Variants in GYS1 observed in about 807,000 individuals in gnomAD.
GYS1 encodes the protein glycogen [starch] synthase, muscle.
In GYS1, 60 loss-of-function variants were observed where a neutral mutation model predicts 89.1. That is an observed-to-expected ratio of 0.67 (90% CI 0.55 to 0.84). GYS1 has a LOEUF of 0.84. Among genes scored for constraint, GYS1 ranks in the 40% least tolerant of loss-of-function variants. The pLI is 0.00. For synonymous variants in GYS1, 366 were observed against 401.7 expected (o/e 0.91, Z 1.06); for missense variants, 888 against 1,003.1 (o/e 0.89, Z 1.55).
chr19:48,974,433 G>C, intron 11 of GYS1, 94 bp from the exon 12 acceptor site: 2 of 1,361,944 alleles, frequency 1.5e-6, no homozygotes, highest in Non-Finnish European at 2.1e-6. Context: ...AGCTTGTCTA[G>C]CATCACACAG....
rs1269675538 is a variant in GYS1, at chr19:48,982,754, G to A, written c.907C>T (p.Arg303Ter). Residue 303 changes from arginine to a stop codon, truncating the protein, a stop_gained, in exon 6 of 16, where the codon CGA becomes TGA. Transcript: ENST00000323798. LOFTEE classifies it high-confidence loss of function. ...TGGCCCCGCACAAACTCCTGGATTC[G>A]AGCCTTGCTCTGAGCATGGAGGTTC... The part of the protein sequence containing the change: ...FQNLHAQSKA[R>*]IQEFVRGHFY... The A allele has an allele frequency of 6.2e-7, 1 of 1,613,372 alleles. No individual in the cohort carries two copies. Among genetic ancestry groups the A allele is most frequent in the Non-Finnish European group, 8.5e-7 (1 of 1,179,400 alleles).
chr19:48,976,219 CA>C (rs1006798614), intron 10 of GYS1, among the ~76,000 whole-genome samples: 5 of 152,064 alleles, frequency 3.3e-5, no homozygotes, highest in Admixed American at 3.3e-4. Context: ...ATAGGTTAGC[CA>C]AAAGCAGTTC....
intron 5 of GYS1, among the ~76,000 whole-genome samples, chr19:48,984,173 A>G (rs928906607): frequency 9.3e-5 from 14 of 151,196 alleles, no homozygotes; most frequent in African/African-American, 1.2e-4. Context: ...TGCCCACCTA[A>G]TTTTTGTATT....
intron 8 of GYS1, among the ~76,000 whole-genome samples, chr19:48,978,387 G>A (rs1487091833): frequency 1.3e-5 from 2 of 151,480 alleles, no homozygotes; most frequent in Non-Finnish European, 2.9e-5. Flanking sequence ...CACCGCGCCC[G>A]GCTAATTTTC....
chr19:48,978,927 G>A, intron 8 of GYS1, among the ~76,000 whole-genome samples: 1 of 152,204 alleles, frequency 6.6e-6, no homozygotes, highest in Non-Finnish European at 1.5e-5. Context: ...GACCCAGGGG[G>A]CAGGCCCTGG....
intron 10 of GYS1, among the ~76,000 whole-genome samples, chr19:48,975,188 C>T (rs1568618486): frequency 6.6e-6 from 1 of 151,846 alleles, no homozygotes. Flanking sequence ...GCCTTGGCCT[C>T]CCAAAGTGCT....
chr19:48,970,191 C>CT (rs1340765090), intron 14 of GYS1: 7 of 467,456 alleles, frequency 1.5e-5, no homozygotes, highest in Non-Finnish European at 2.7e-5. Flanking sequence ...TGGGTTTGAA[C>CT]AAGGCTCACT....
In GYS1 at chr19:48,974,126, C is replaced by T. The variant is rs1023674350; in HGVS notation, c.1549+87G>A. 2.8e-6 allele frequency: 4 copies of T among 1,409,862 alleles called. No individual in the cohort carries two copies. The African/African-American group carries it at 4.3e-5, about 15-fold the overall frequency. The allele number at this position is 1,409,862 out of a possible 1,614,324, so 87.3% of individuals were successfully genotyped here. A position where few individuals can be genotyped will look rare whatever the true frequency, so the allele number is the denominator to read the frequency against. ...CCTGTTTTGCAAAGAAGGCAACAGG[C>T]TCAGAGAAGGCCAGTGCCTCGCCCC... On this transcript the variant is annotated intron_variant, in intron 12 of 15. Coordinates refer to ENST00000323798, the MANE Select transcript of GYS1 (RefSeq NM_002103.5).
At chr19:48,982,937 T>A in intron 5 of GYS1, 100 bp from the exon 6 acceptor site, 1 of 941,372 alleles carries the variant, frequency 1.1e-6, no homozygotes, top group Non-Finnish European at 1.8e-6. Flanking sequence ...CTTTTGCAAT[T>A]TTTTTGTTTC....
rs2038858345 is a variant in GYS1 at position 48,987,342 on chromosome 19, A to G, written c.344T>C (p.Val115Ala). The G allele has an allele frequency of 6.2e-7, 1 of 1,611,594 alleles. No individual in the cohort carries two copies. The highest frequency in any genetic ancestry group is 1.1e-5 in the South Asian group (1 of 90,500). Reference protein sequence around the residue: ...RWLIEGGPLVVLLDVGASAWA... With the variant: ...RWLIEGGPLVALLDVGASAWA... ...AGCTGAGGCACCCACGTCCAGGAGC[A>G]CCACCAGAGGGCCTCCCTCGATCAG... is the stretch of plus-strand genomic sequence containing the variant. The change falls in exon 3 of 16, where the codon GTG becomes GCG. Residue 115 changes from valine to alanine, a missense_variant. Coordinates refer to ENST00000323798, the MANE Select transcript of GYS1 (RefSeq NM_002103.5).
At position 48,970,407 on chromosome 19, in the gene GYS1, A is replaced by G. The variant is rs1200940393; in HGVS notation, c.1809+139T>C. 4.1e-6 allele frequency: 3 copies of G among 733,344 alleles called. No homozygotes were observed. The Admixed American group carries it at 6.4e-5, about 16-fold the overall frequency. 45.4% of individuals were successfully genotyped at this position (733,344 alleles called of 1,614,324 possible). A position where few individuals can be genotyped will look rare whatever the true frequency, so the allele number is the denominator to read the frequency against. ...AGTGCTGGGATTACAACCATGAGCC[A>G]CCATCGCGATCGGCCTGGTTCATTG... On this transcript the variant is annotated intron_variant, in intron 14 of 15. Coordinates refer to ENST00000323798, the MANE Select transcript of GYS1 (RefSeq NM_002103.5).
At chr19:48,979,646 C>CTTTTTTTTTT (rs56291141) in intron 8 of GYS1, among the ~76,000 whole-genome samples, 1 of 114,978 alleles carries the variant, frequency 8.7e-6, no homozygotes, top group Non-Finnish European at 1.8e-5. Context: ...CTCTTTCTTT[C>CTTTTTTTTTT]TTTTTTTTTT....
At position 48,970,062 on chromosome 19, in the gene GYS1, C is replaced by T. The variant is rs560302265; in HGVS notation, c.1810-207G>A. ...TGAGCCATACCCCTCAAACAGGGGC[C>T]GAATTCTCAAGTGAGTCTCCTCTTT... is the stretch of plus-strand genomic sequence containing the variant. On this transcript the variant is annotated intron_variant, in intron 14 of 15. Coordinates refer to ENST00000323798, the MANE Select transcript of GYS1 (RefSeq NM_002103.5). 5.9e-5 allele frequency among the ~76,000 whole-genome samples: 9 copies of T among 152,246 alleles called. No individual in the cohort carries two copies. The South Asian group carries it at 1.9e-3, about 32-fold the overall frequency.
chr19:48,987,397 T>A lies in GYS1; in HGVS notation c.301-12A>T, dbSNP rs1228577050. ...CGCCCGAAATACACCTGGGATGGGG[T>A]TGGGGAGGCACCATAGGGAGGCTCT... On this transcript the variant is annotated splice_polypyrimidine_tract_variant and intron_variant, in intron 2 of 15. Coordinates refer to ENST00000323798, the MANE Select transcript of GYS1 (RefSeq NM_002103.5). 1.9e-6 allele frequency: 3 copies of A among 1,578,876 alleles called. No homozygotes were observed. In the African/African-American group the frequency reaches 4.0e-5, roughly 21 times the overall value.
intron 10 of GYS1, among the ~76,000 whole-genome samples, chr19:48,975,542 A>C (rs1011544758): frequency 5.9e-5 from 9 of 152,106 alleles, no homozygotes; most frequent in South Asian, 2.1e-4. Flanking sequence ...CCCAAAGGAA[A>C]TATAACTATC....
chr19:48,986,186 C>G (rs1344136251), intron 3 of GYS1, 151 bp from the exon 4 acceptor site: 1 of 736,762 alleles, frequency 1.4e-6, no homozygotes, highest in Non-Finnish European at 2.4e-6. Flanking sequence ...CCCAACCGGA[C>G]AGGGACCTGT....
At position 48,987,476 on chromosome 19, in the gene GYS1, T is replaced by C. The variant is rs983566026; in HGVS notation, c.301-91A>G. ...CGTGGTTCTCCCATTTGCAGGCAGA[T>C]GTCTATAGACTTAAGCCTCAGCTCT... On this transcript the variant is annotated intron_variant, in intron 2 of 15. Transcript: ENST00000323798. 2.4e-5 allele frequency: 23 copies of C among 975,554 alleles called. 1 individual carries two copies. Among genetic ancestry groups the C allele is most frequent in the Middle Eastern group, 3.3e-4 (1 of 3,038 alleles). 60.4% of individuals were successfully genotyped at this position (975,554 alleles called of 1,614,324 possible).
Position 48,968,386 on chromosome 19 carries a change from A to T in GYS1, c.*902T>A. On this transcript the variant is annotated 3_prime_UTR_variant, in exon 16 of 16. Transcript: ENST00000323798. ...AGGGATCAGTATGCAGTAACGTGGT[A>T]AGGTTCCAGATCTAGAAGCCAGGAC... 2.2e-6 allele frequency: 1 copy of T among 454,494 alleles called. No individual in the cohort carries two copies. Among genetic ancestry groups the T allele is most frequent in the Non-Finnish European group, 4.4e-6 (1 of 226,788 alleles). The allele number at this position is 454,494 out of a possible 1,614,324, so 28.2% of individuals were successfully genotyped here. A position where few individuals can be genotyped will look rare whatever the true frequency, so the allele number is the denominator to read the frequency against.
At chr19:48,975,055 C>T (rs930655196) in intron 10 of GYS1, among the ~76,000 whole-genome samples, 1 of 151,998 alleles carries the variant, frequency 6.6e-6, no homozygotes, top group African/African-American at 2.4e-5. Context: ...CTCAGCCTCC[C>T]GAGTAGCTGG....
Sources: allele counts gnomAD v4.1 joint callset (sites outside exome capture counted in the v4.1 genomes callset), GRCh38; gene constraint gnomAD v4.1.1; transcripts MANE v1.5; gene names NCBI Gene and HGNC (gene_info 2026-07-23, HGNC 2026-07-21).